PDE4D: variants seen among roughly 807,000 people sequenced by gnomAD.
The protein encoded by PDE4D is phosphodiesterase 4D, also known as 3',5'-cyclic-AMP phosphodiesterase 4D.
In PDE4D, 24 loss-of-function variants were observed where a neutral mutation model predicts 87.4. The observed-to-expected ratio is 0.27, with a 90% CI of 0.20 to 0.39. The LOEUF is 0.39. Ranked by LOEUF, PDE4D falls within the 10% of genes least tolerant of loss-of-function variation. The pLI, the probability that PDE4D is intolerant of heterozygous loss-of-function variation, is 1.00. For missense variants in PDE4D, 714 were observed against 1,041.0 expected, an observed-to-expected ratio of 0.69 and a Z score of 4.32; for synonymous variants, 384 against 383.2, an observed-to-expected ratio of 1.00 and a Z score of -0.02.
At chr5:60,150,164 A>G (rs1039522817) in intron 2 of PDE4D, among the ~76,000 whole-genome samples, 1 of 151,462 alleles carries the variant, frequency 6.6e-6, no homozygotes, top group Non-Finnish European at 1.5e-5. Flanking sequence ...CTAAATTAGT[A>G]ATTATTATTC....
intron 2 of PDE4D, among the ~76,000 whole-genome samples, chr5:60,066,988 A>G (rs1772175255): frequency 6.6e-6 from 1 of 152,128 alleles, no homozygotes; most frequent in East Asian, 1.9e-4. Flanking sequence ...CACTACTTCA[A>G]TGATTATTAA....
intron 1 of PDE4D, among the ~76,000 whole-genome samples, chr5:60,202,321 C>G (rs773760642): frequency 1.3e-5 from 2 of 152,064 alleles, no homozygotes; most frequent in Non-Finnish European, 2.9e-5. Flanking sequence ...GGCCACCATA[C>G]TGGGCTAATT....
intron 2 of PDE4D, among the ~76,000 whole-genome samples, chr5:60,012,647 C>A (rs919415417): frequency 3.3e-5 from 5 of 152,176 alleles, no homozygotes; most frequent in Non-Finnish European, 7.3e-5. Flanking sequence ...GAGATAGCAT[C>A]ATTTTTTTGA....
chr5:60,188,968 A>G (rs1047851251), intron 1 of PDE4D, among the ~76,000 whole-genome samples: 1 of 152,194 alleles, frequency 6.6e-6, no homozygotes, highest in Non-Finnish European at 1.5e-5. Context: ...ATGTTTGATG[A>G]AAAGGTTGAC....
intron 1 of PDE4D, among the ~76,000 whole-genome samples, chr5:59,677,534 G>C (rs1332483387): frequency 2.6e-5 from 4 of 152,148 alleles, no homozygotes; most frequent in Non-Finnish European, 5.9e-5. Flanking sequence ...AACAACGGGA[G>C]CTGTGGAGTT....
chr5:59,839,033 A>G (rs1742574741), intron 1 of PDE4D, among the ~76,000 whole-genome samples: 1 of 151,978 alleles, frequency 6.6e-6, no homozygotes, highest in Non-Finnish European at 1.5e-5. Flanking sequence ...AAAACTTGGT[A>G]CCATATTGGG....
intron 1 of PDE4D, among the ~76,000 whole-genome samples, chr5:59,241,282 G>A (rs1757616256): frequency 6.6e-6 from 1 of 152,132 alleles, no homozygotes; most frequent in Non-Finnish European, 1.5e-5. Flanking sequence ...GAGCAAGTAG[G>A]ACAATGGGTC....
At chr5:59,074,017 C>T (rs1765289474) in intron 5 of PDE4D, among the ~76,000 whole-genome samples, 1 of 152,102 alleles carries the variant, frequency 6.6e-6, no homozygotes, top group African/African-American at 2.4e-5. Context: ...TCTATCACTA[C>T]CTTCTTATTA....
intron 1 of PDE4D, among the ~76,000 whole-genome samples, chr5:60,518,763 C>A (rs1009895485): frequency 6.6e-6 from 1 of 152,124 alleles, no homozygotes; most frequent in African/African-American, 2.4e-5. Context: ...TTGAAAGTTG[C>A]TAGGGGCTCA....
intron 1 of PDE4D, among the ~76,000 whole-genome samples, chr5:60,188,583 G>A (rs901951850): frequency 6.6e-6 from 1 of 152,106 alleles, no homozygotes; most frequent in African/African-American, 2.4e-5. Flanking sequence ...CCCAAGGTAG[G>A]GCAGGGAGGA....
chr5:60,380,448 C>T (rs1725570061), intron 1 of PDE4D, among the ~76,000 whole-genome samples: 2 of 152,204 alleles, frequency 1.3e-5, no homozygotes, highest in African/African-American at 4.8e-5. Flanking sequence ...GCACCACTTT[C>T]AAGCAAAATT....
intron 5 of PDE4D, chr5:59,039,611 C>T: frequency 1.4e-6 from 1 of 692,266 alleles, no homozygotes; most frequent in Non-Finnish European, 1.8e-6. Context: ...CCTCTCGGCC[C>T]TCGGCGCTGC....
intron 5 of PDE4D, among the ~76,000 whole-genome samples, chr5:59,170,413 T>A (rs931781452): frequency 7.2e-5 from 11 of 152,192 alleles, no homozygotes; most frequent in Non-Finnish European, 1.6e-4. Context: ...GAGATATTAT[T>A]ATTTTAAAAT....
chr5:60,280,043 C>T (rs1751743676), intron 1 of PDE4D, among the ~76,000 whole-genome samples: 1 of 151,962 alleles, frequency 6.6e-6, no homozygotes, highest in South Asian at 2.1e-4. Context: ...ACCCAGGGCA[C>T]TCCAGGCTGG....
chr5:59,085,758 T>C (rs1767561573), intron 5 of PDE4D, among the ~76,000 whole-genome samples: 1 of 152,146 alleles, frequency 6.6e-6, no homozygotes. Context: ...TCTCCCACAA[T>C]TAGTTTTGTA....
intron 1 of PDE4D, among the ~76,000 whole-genome samples, chr5:59,836,509 C>T (rs1308496091): frequency 6.6e-6 from 1 of 151,898 alleles, no homozygotes; most frequent in African/African-American, 2.4e-5. Context: ...AATAAATAGG[C>T]AGAGTGTAAA....
intron 2 of PDE4D, among the ~76,000 whole-genome samples, chr5:60,110,681 A>G (rs1047233164): frequency 3.9e-5 from 6 of 152,144 alleles, no homozygotes; most frequent in Non-Finnish European, 8.8e-5. Flanking sequence ...AAACCAATAT[A>G]TCAGAGGGAT....
chr5:59,268,267 T>C (rs944435406), intron 1 of PDE4D, among the ~76,000 whole-genome samples: 3 of 152,086 alleles, frequency 2.0e-5, no homozygotes, highest in Admixed American at 6.6e-5. Context: ...ACTTACAATA[T>C]TGCCCCTGTC....
intron 1 of PDE4D, among the ~76,000 whole-genome samples, chr5:59,725,402 CT>C (rs980056453): frequency 1.3e-5 from 2 of 152,020 alleles, no homozygotes; most frequent in African/African-American, 4.8e-5. Context: ...TATTCAGTGA[CT>C]TTTTGTTGAA....
Sources: allele counts gnomAD v4.1 joint callset (sites outside exome capture counted in the v4.1 genomes callset), GRCh38; gene constraint gnomAD v4.1.1; transcripts MANE v1.5; gene names NCBI Gene and HGNC (gene_info 2026-07-23, HGNC 2026-07-21).